Variants in ALPK2 observed in about 807,000 individuals in gnomAD.
The protein encoded by ALPK2 is alpha-protein kinase 2.
A neutral mutation model predicts 163.1 loss-of-function variants in ALPK2; 127 were observed. The observed-to-expected ratio is 0.78, with a 90% CI of 0.67 to 0.90. The LOEUF is 0.90. ALPK2 is among the 40% of genes least tolerant of loss of function. ALPK2 has a pLI of 0.00. For synonymous variants in ALPK2, 953 were observed against 959.1 expected (o/e 0.99, Z 0.12); for missense variants, 2,360 against 2,589.6 (o/e 0.91, Z 1.92).
intron 1 of ALPK2, among the ~76,000 whole-genome samples, chr18:58,628,343 C>T (rs1352773955): frequency 6.6e-6 from 1 of 152,118 alleles, no homozygotes; most frequent in Non-Finnish European, 1.5e-5. Context: ...CTAAAATACT[C>T]AAATATTTCA....
At chr18:58,571,427 G>GAAAAAAA (rs77059313) in intron 4 of ALPK2, among the ~76,000 whole-genome samples, 3 of 108,732 alleles carry the variant, frequency 2.8e-5, no homozygotes, top group Non-Finnish European at 1.9e-5. Context: ...ACATCCACAG[G>GAAAAAAA]AAAAAAAAAA....
At chr18:58,495,997 C>T (rs568459909) in intron 12 of ALPK2, among the ~76,000 whole-genome samples, 2 of 152,326 alleles carry the variant, frequency 1.3e-5, no homozygotes, top group South Asian at 4.1e-4. Context: ...TTGGAAAATC[C>T]TTCTGGGGTC....
chr18:58,482,239 T>C (rs1201598044), intron 12 of ALPK2, among the ~76,000 whole-genome samples, 200 bp from the exon 13 acceptor site: 1 of 152,204 alleles, frequency 6.6e-6, no homozygotes, highest in Non-Finnish European at 1.5e-5. Context: ...AAGGCAAAGA[T>C]CTGCTGGCAC....
At chr18:58,586,610 T>C (rs776445051) in intron 3 of ALPK2, among the ~76,000 whole-genome samples, 1 of 152,130 alleles carries the variant, frequency 6.6e-6, no homozygotes, top group Non-Finnish European at 1.5e-5. Flanking sequence ...CAGTTGGGGC[T>C]CCTTCAAAGC....
chr18:58,610,833 G>A (rs965796574), intron 2 of ALPK2, among the ~76,000 whole-genome samples: 5 of 151,644 alleles, frequency 3.3e-5, no homozygotes, highest in East Asian at 1.9e-4. Flanking sequence ...AGTGGCTCAC[G>A]CCTGTAATCC....
chr18:58,619,766 A>G (rs1435676547), intron 1 of ALPK2, among the ~76,000 whole-genome samples: 1 of 152,250 alleles, frequency 6.6e-6, no homozygotes, highest in Non-Finnish European at 1.5e-5. Flanking sequence ...ACATAAATTT[A>G]CCAAATGACC....
intron 1 of ALPK2, among the ~76,000 whole-genome samples, chr18:58,615,088 A>T (rs1337408370): frequency 6.6e-6 from 1 of 151,938 alleles, no homozygotes; most frequent in Non-Finnish European, 1.5e-5. Flanking sequence ...TGCTAGGATT[A>T]TAGGCAGAAG....
At chr18:58,517,311 C>A in intron 8 of ALPK2, 129 bp from the exon 9 acceptor site, 1 of 877,938 alleles carries the variant, frequency 1.1e-6, no homozygotes, top group South Asian at 1.7e-5. Flanking sequence ...AGGGGGCAGA[C>A]ACACTTAACC....
chr18:58,497,944 TA>T (rs1167207540), intron 12 of ALPK2, 104 bp downstream of exon 12: 5 of 975,794 alleles, frequency 5.1e-6, no homozygotes, highest in Non-Finnish European at 6.5e-6. Flanking sequence ...CATCCACAGT[TA>T]GGACAAGAAA....
At chr18:58,623,592 A>C (rs1450949150) in intron 1 of ALPK2, among the ~76,000 whole-genome samples, 1 of 152,112 alleles carries the variant, frequency 6.6e-6, no homozygotes, top group Non-Finnish European at 1.5e-5. Context: ...CAGCCTCCTG[A>C]GTAGCTGGAA....
intron 3 of ALPK2, among the ~76,000 whole-genome samples, chr18:58,591,295 GAGA>G (rs1568095295): frequency 6.6e-6 from 1 of 152,228 alleles, no homozygotes; most frequent in African/African-American, 2.4e-5. Context: ...CTGAGGCCCA[GAGA>G]AGATGTGACA....
At chr18:58,568,854 T>C (rs1261246142) in intron 4 of ALPK2, among the ~76,000 whole-genome samples, 1 of 152,192 alleles carries the variant, frequency 6.6e-6, no homozygotes, top group East Asian at 1.9e-4. Flanking sequence ...ATGAGCATCC[T>C]CAGATTTTGG....
In ALPK2 at chr18:58,533,439, A is replaced by G. The variant is rs142362159; in HGVS notation, c.5353+1395T>C. ...TTGAGAGCTTTTGAAACATTGCTTC[A>G]TTCTATTTAATTTTTTTTTTTTTTT... is the stretch of plus-strand genomic sequence containing the variant. On this transcript the variant is annotated intron_variant, in intron 5 of 12. Coordinates refer to ENST00000361673, the MANE Select transcript of ALPK2 (RefSeq NM_052947.4). Among the ~76,000 whole-genome samples, 117 of 136,564 alleles carry G rather than the reference A, an allele frequency of 8.6e-4. 1 individual carries two copies. Among genetic ancestry groups the G allele is most frequent in the African/African-American group, 3.2e-3 (112 of 34,494 alleles). The allele number at this position is 136,564 out of a possible 152,430, so 89.6% of individuals were successfully genotyped here. A position where few individuals can be genotyped will look rare whatever the true frequency, so the allele number is the denominator to read the frequency against.
rs1568101155 is a variant in ALPK2, at chr18:58,611,753, T to TA, written c.44dup (p.Leu15PhefsTer11). The TA allele has an allele frequency of 1.9e-6, 3 of 1,611,652 alleles. No homozygotes were observed. Among genetic ancestry groups the TA allele is most frequent in the Admixed American group, 1.7e-5 (1 of 59,488 alleles). On this transcript the variant is annotated frameshift_variant, in exon 2 of 13. Coordinates refer to ENST00000361673, the MANE Select transcript of ALPK2 (RefSeq NM_052947.4). LOFTEE classifies it high-confidence loss of function. ...GAACCTTCTGGGAAAGCAATGTAGA[T>TA]AAAAAACACAGCGGGGGCCTCTGGG...
Position 58,543,019 on chromosome 18 carries a change from GAGGGATTA to G in ALPK2, c.1963-4803_1963-4796del, listed in dbSNP as rs1453973816. 5.1e-4 allele frequency among the ~76,000 whole-genome samples: 78 copies of G among 152,330 alleles called. 2 individuals are homozygous for G. In the South Asian group the frequency reaches 0.016, roughly 31 times the overall value. On this transcript the variant is annotated intron_variant, in intron 4 of 12. Coordinates refer to ENST00000361673, the MANE Select transcript of ALPK2 (RefSeq NM_052947.4). Reference sequence around the variant, plus strand: ...GAATCATGGGAGCTCTGCCCTCATAGAGGGATTAATCCATTTATGGATTAATGAATTAA... The same window carrying G: ...GAATCATGGGAGCTCTGCCCTCATAGATCCATTTATGGATTAATGAATTAA...
chr18:58,554,951 C>T (rs2051782251), intron 4 of ALPK2, among the ~76,000 whole-genome samples: 3 of 152,110 alleles, frequency 2.0e-5, no homozygotes. Context: ...CTTTGCACAC[C>T]CTCTCTTATT....
chr18:58,514,903 C>G (rs2144124179), intron 10 of ALPK2, 90 bp downstream of exon 10: 1 of 926,976 alleles, frequency 1.1e-6, no homozygotes, highest in Non-Finnish European at 1.6e-6. Context: ...TCAGCTGAAA[C>G]ACTTGCCCTA....
At chr18:58,560,246 C>G (rs1288905417) in intron 4 of ALPK2, among the ~76,000 whole-genome samples, 3 of 152,206 alleles carry the variant, frequency 2.0e-5, no homozygotes, top group African/African-American at 7.2e-5. Flanking sequence ...AGAAGCACTC[C>G]CTTTGCCTGC....
chr18:58,523,975 G>A lies in ALPK2; in HGVS notation c.5589C>T (p.Ser1863=). Residue 1863 remains serine, a synonymous_variant, in exon 7 of 13, where the codon AGC becomes AGT. Coordinates refer to ENST00000361673, the MANE Select transcript of ALPK2 (RefSeq NM_052947.4). The stretch of plus-strand genomic sequence containing the variant: ...TAAATTCAGCAGTCACTTTTCCGTA[G>A]CTGTTCTTGATGCAGCAGTAATAGA... ...QGLYYCCIKN[S]YGKVTAEFNL... 1 of 1,614,166 alleles carries A rather than the reference G, an allele frequency of 6.2e-7. No individual in the cohort carries two copies. Among genetic ancestry groups the A allele is most frequent in the Non-Finnish European group, 8.5e-7 (1 of 1,180,016 alleles).
Sources: allele counts gnomAD v4.1 joint callset (sites outside exome capture counted in the v4.1 genomes callset), GRCh38; gene constraint gnomAD v4.1.1; transcripts MANE v1.5; gene names NCBI Gene and HGNC (gene_info 2026-07-23, HGNC 2026-07-21).